INSYN2B: variants seen among roughly 807,000 people sequenced by gnomAD.
INSYN2B encodes protein INSYN2B.
Under a neutral mutation model 41.2 loss-of-function variants are expected in INSYN2B, and 16 were observed. The ratio of observed to expected loss-of-function variants is 0.39; its 90% CI spans 0.26 to 0.59. The LOEUF (loss-of-function observed/expected upper bound fraction) is 0.59. INSYN2B is among the 20% of genes least tolerant of loss of function. INSYN2B has a pLI of 0.57. For missense variants in INSYN2B, 608 were observed against 646.4 expected (o/e 0.94, Z 0.64); for synonymous variants, 245 against 244.4 (o/e 1.00, Z -0.02).
intron 1 of INSYN2B, among the ~76,000 whole-genome samples, chr5:169,965,110 T>C (rs1363724143): frequency 2.4e-4 from 37 of 152,224 alleles, no homozygotes; most frequent in Admixed American, 2.4e-3. Flanking sequence ...GCACATAGTA[T>C]GTAAGTGTTA....
chr5:169,941,833 C>T (rs903122570), intron 1 of INSYN2B, among the ~76,000 whole-genome samples: 1 of 152,166 alleles, frequency 6.6e-6, no homozygotes, highest in Non-Finnish European at 1.5e-5. Context: ...CAGAATAGAA[C>T]CCCACTTCCC....
chr5:169,905,273 G>T (rs1448001666), intron 1 of INSYN2B, among the ~76,000 whole-genome samples: 1 of 145,918 alleles, frequency 6.9e-6, no homozygotes, highest in Non-Finnish European at 1.5e-5. Flanking sequence ...AAACCCAGGA[G>T]CAGTACTGTT....
chr5:169,883,579 A>T lies in INSYN2B; in HGVS notation c.320T>A (p.Phe107Tyr). Reference protein sequence around the residue: ...IQTSPSLRKHFPVFKRKRLTA... With the variant: ...IQTSPSLRKHYPVFKRKRLTA... ...GAGTCTCTTCCTTTTGAAAACTGGG[A>T]AATGCTTCCTGAGACTGGGGGAAGT... The change falls in exon 2 of 4, where the codon TTC (phenylalanine) becomes TAC (tyrosine). Residue 107 changes from phenylalanine to tyrosine, a missense_variant. Transcript: ENST00000377365. 1 of 1,551,596 alleles carries T rather than the reference A, an allele frequency of 6.4e-7. No individual in the cohort carries two copies. Among genetic ancestry groups the T allele is most frequent in the Non-Finnish European group, 8.7e-7 (1 of 1,146,950 alleles).
intron 1 of INSYN2B, among the ~76,000 whole-genome samples, chr5:169,944,439 G>C (rs986597632): frequency 6.6e-6 from 1 of 152,186 alleles, no homozygotes; most frequent in Non-Finnish European, 1.5e-5. Context: ...GGAGCCAGCC[G>C]TGACTCTGGA....
At chr5:169,953,142 C>T (rs1249680339) in intron 1 of INSYN2B, among the ~76,000 whole-genome samples, 7 of 151,878 alleles carry the variant, frequency 4.6e-5, no homozygotes, top group African/African-American at 1.7e-4. Context: ...GCCAACATGG[C>T]GAAACCCTGT....
intron 3 of INSYN2B, among the ~76,000 whole-genome samples, chr5:169,876,830 C>G (rs1289060231): frequency 6.6e-6 from 1 of 152,216 alleles, no homozygotes; most frequent in Non-Finnish European, 1.5e-5. Flanking sequence ...ACAGCTGTCT[C>G]AAGTCCACTA....
rs768882464 is a variant in INSYN2B at position 169,883,599 on chromosome 5, G to T, written c.300C>A (p.Ser100=). The change falls in exon 2 of 4, where the codon TCC becomes TCA. Residue 100 remains serine, a synonymous_variant. Coordinates refer to ENST00000377365, the MANE Select transcript of INSYN2B (RefSeq NM_001129891.3). ...CTGGGAAATGCTTCCTGAGACTGGG[G>T]GAAGTTTGGATTGCAATGTTGCGAA... ...GGFRNIAIQT[S]PSLRKHFPVF... 24 of 1,551,670 alleles carry T rather than the reference G, an allele frequency of 1.5e-5. No individual in the cohort carries two copies. The East Asian group carries it at 5.6e-4, about 36-fold the overall frequency.
intron 1 of INSYN2B, among the ~76,000 whole-genome samples, chr5:169,948,137 G>A (rs1364133389): frequency 6.6e-6 from 1 of 151,958 alleles, no homozygotes; most frequent in Non-Finnish European, 1.5e-5. Flanking sequence ...AATTCTAGGT[G>A]TGAAAATTTC....
chr5:169,974,638 C>T (rs375769689), intron 1 of INSYN2B, among the ~76,000 whole-genome samples: 1 of 151,952 alleles, frequency 6.6e-6, no homozygotes, highest in Admixed American at 6.6e-5. Flanking sequence ...GATCCTTATC[C>T]AGAGCTCCAT....
intron 3 of INSYN2B, among the ~76,000 whole-genome samples, chr5:169,872,215 A>G (rs1772022617): frequency 6.6e-6 from 1 of 152,082 alleles, no homozygotes; most frequent in Admixed American, 6.5e-5. Flanking sequence ...TGATTTACTG[A>G]CCTCCTGCAA....
intron 3 of INSYN2B, among the ~76,000 whole-genome samples, chr5:169,871,304 T>C (rs936026931): frequency 6.6e-6 from 1 of 152,212 alleles, no homozygotes; most frequent in Non-Finnish European, 1.5e-5. Context: ...TTCCAGCATT[T>C]TATTCTAAGG....
Position 169,934,677 on chromosome 5 carries a change from C to T in INSYN2B, c.-919+45600G>A, listed in dbSNP as rs767131668. The T allele has an allele frequency of 2.4e-5, 11 of 456,082 alleles. 1 individual carries two copies. The highest frequency in any genetic ancestry group is 6.5e-4 in the Middle Eastern group (2 of 3,098). The allele number at this position is 456,082 out of a possible 1,614,324, so 28.3% of individuals were successfully genotyped here. A position where few individuals can be genotyped will look rare whatever the true frequency, so the allele number is the denominator to read the frequency against. On this transcript the variant is annotated intron_variant, in intron 1 of 3. Coordinates refer to ENST00000377365, the MANE Select transcript of INSYN2B (RefSeq NM_001129891.3). The stretch of plus-strand genomic sequence containing the variant: ...GATGCAGCTGATGATAGGACTGAAC[C>T]GATTGGGTGCTACGGAGTATTAAAT...
intron 1 of INSYN2B, among the ~76,000 whole-genome samples, chr5:169,957,539 T>C (rs7705885): frequency 0.76 from 115,155 of 152,184 alleles, 44,631 homozygotes; most frequent in African/African-American, 0.94. Flanking sequence ...AGGTGACTGC[T>C]CCAGGTCACA....
intron 1 of INSYN2B, among the ~76,000 whole-genome samples, chr5:169,905,926 C>T (rs1238872046): frequency 1.3e-5 from 2 of 152,222 alleles, no homozygotes; most frequent in Non-Finnish European, 1.5e-5. Context: ...TGTCTTGAAC[C>T]TGACTGTATC....
intron 1 of INSYN2B, chr5:169,934,893 T>C (rs919653604): frequency 4.0e-5 from 14 of 347,398 alleles, no homozygotes; most frequent in Non-Finnish European, 7.4e-5. Flanking sequence ...TTACACTTGA[T>C]ATTTATTCTG....
intron 1 of INSYN2B, among the ~76,000 whole-genome samples, chr5:169,969,998 G>C (rs76301125): frequency 6.6e-6 from 1 of 152,240 alleles, no homozygotes; most frequent in African/African-American, 2.4e-5. Context: ...AAGCATTTCT[G>C]TGGGCTATGT....
At chr5:169,932,529 A>G (rs1262182325) in intron 1 of INSYN2B, among the ~76,000 whole-genome samples, 2 of 152,224 alleles carry the variant, frequency 1.3e-5, no homozygotes, top group Non-Finnish European at 2.9e-5. Flanking sequence ...AACAATCTGC[A>G]TGCCTCACTG....
At position 169,887,599 on chromosome 5, in the gene INSYN2B, T is replaced by C. The variant is rs143723048; in HGVS notation, c.-918-2783A>G. 7.9e-5 allele frequency among the ~76,000 whole-genome samples: 12 copies of C among 152,360 alleles called. No homozygotes were observed. In the South Asian group the frequency reaches 1.7e-3, roughly 21 times the overall value. On this transcript the variant is annotated intron_variant, in intron 1 of 3. Transcript: ENST00000377365. The stretch of plus-strand genomic sequence containing the variant: ...AGTAGGCTAACATGAATTTGTCTAG[T>C]TATACAATTATCTATTTAAATAGTA...
chr5:169,965,602 C>T (rs533128757), intron 1 of INSYN2B, among the ~76,000 whole-genome samples: 117 of 152,224 alleles, frequency 7.7e-4, no homozygotes, highest in Admixed American at 4.3e-3. Flanking sequence ...ATCCCAATGT[C>T]GGGAGAGCTG....
Sources: allele counts gnomAD v4.1 joint callset (sites outside exome capture counted in the v4.1 genomes callset), GRCh38; gene constraint gnomAD v4.1.1; transcripts MANE v1.5; gene names NCBI Gene and HGNC (gene_info 2026-07-23, HGNC 2026-07-21).